The following ARHGAP6 variants were observed in gnomAD, a reference collection of about 807,000 sequenced individuals.
ARHGAP6 encodes rho GTPase-activating protein 6.
A neutral mutation model predicts 55.7 loss-of-function variants in ARHGAP6; 16 were observed. That is an observed-to-expected ratio of 0.29 (90% CI 0.19 to 0.44). The LOEUF (loss-of-function observed/expected upper bound fraction) is 0.44. ARHGAP6 is among the 20% of genes least tolerant of loss of function. The pLI is 1.00. For missense variants in ARHGAP6, 698 were observed against 808.9 expected (o/e 0.86, Z 1.66); for synonymous variants, 382 against 360.9 (o/e 1.06, Z -0.66).
intron 1 of ARHGAP6, among the ~76,000 whole-genome samples, chrX:11,267,096 C>T (rs993943868): frequency 8.9e-6 from 1 of 111,966 alleles, no homozygotes; most frequent in South Asian, 3.7e-4. Flanking sequence ...AGTAGACAGT[C>T]AACATGGCTC....
chrX:11,148,057 T>TG (rs1448624732), intron 10 of ARHGAP6, among the ~76,000 whole-genome samples: 1 of 111,296 alleles, frequency 9.0e-6, no homozygotes, highest in Non-Finnish European at 1.9e-5. Flanking sequence ...GGTGGAGAAA[T>TG]GGGCCCAGGA....
At chrX:11,300,551 T>C (rs1199766285) in intron 1 of ARHGAP6, 1 of 1,012,933 alleles carries the variant, frequency 9.9e-7, no homozygotes, top group African/African-American at 1.9e-5. Context: ...TTGTAAATGG[T>C]ACTCACTAGG....
intron 1 of ARHGAP6, among the ~76,000 whole-genome samples, chrX:11,519,501 G>C (rs1189025573): frequency 9.1e-6 from 1 of 109,960 alleles, no homozygotes; most frequent in Non-Finnish European, 1.9e-5. Flanking sequence ...TTGTAAATTT[G>C]ATTGAGTTCA....
chrX:11,548,170 C>T lies in ARHGAP6; in HGVS notation c.588+116071G>A, dbSNP rs181945411. Among the ~76,000 whole-genome samples, 24 of 112,240 alleles carry T rather than the reference C, an allele frequency of 2.1e-4. No individual in the cohort carries two copies. In the East Asian group the frequency reaches 4.7e-3, roughly 22 times the overall value. ...AACAATTCTACATATTTATGGGATA[C>T]AGAGTATTTTTATAATATATACAAT... On this transcript the variant is annotated intron_variant, in intron 1 of 12. Transcript: ENST00000337414.
intron 1 of ARHGAP6, among the ~76,000 whole-genome samples, chrX:11,416,622 G>A (rs1391654175): frequency 9.0e-6 from 1 of 110,866 alleles, no homozygotes; most frequent in Non-Finnish European, 1.9e-5. Flanking sequence ...CCCAAGAGAG[G>A]TCTACGAACG....
At chrX:11,637,371 C>T (rs1262624971) in intron 1 of ARHGAP6, among the ~76,000 whole-genome samples, 2 of 111,664 alleles carry the variant, frequency 1.8e-5, no homozygotes, top group African/African-American at 6.5e-5. Flanking sequence ...TAATATTTGG[C>T]ATAAAATCCT....
intron 1 of ARHGAP6, among the ~76,000 whole-genome samples, chrX:11,579,886 G>T (rs1476702180): frequency 8.9e-6 from 1 of 112,012 alleles, no homozygotes; most frequent in African/African-American, 3.2e-5. Flanking sequence ...TCTCCCCCAA[G>T]GAAGGGCAGA....
chrX:11,329,618 C>T (rs757841386), intron 1 of ARHGAP6, among the ~76,000 whole-genome samples: 1 of 112,290 alleles, frequency 8.9e-6, no homozygotes, highest in South Asian at 3.7e-4. Flanking sequence ...AGAAAACTGT[C>T]ATTGTGAACA....
chrX:11,500,612 G>T (rs1289458865), intron 1 of ARHGAP6, among the ~76,000 whole-genome samples: 1 of 99,181 alleles, frequency 1.0e-5, no homozygotes, highest in African/African-American at 3.9e-5. Context: ...AGTTAGCCGA[G>T]CCGAGATGGC....
Position 11,333,594 on chromosome X carries a change from T to C in ARHGAP6, c.589-78887A>G, listed in dbSNP as rs916137053. 7.1e-5 allele frequency among the ~76,000 whole-genome samples: 8 copies of C among 112,353 alleles called. No individual in the cohort carries two copies. The South Asian group carries it at 2.2e-3, about 31-fold the overall frequency. The stretch of plus-strand genomic sequence containing the variant: ...AGAATGGGATGAAAATCTAGGATAG[T>C]TAAAAATCTTTGTGCATAAGGAAAA... On this transcript the variant is annotated intron_variant, in intron 1 of 12. Transcript: ENST00000337414.
chrX:11,568,677 A>C (rs1375509664), intron 1 of ARHGAP6, among the ~76,000 whole-genome samples: 1 of 109,100 alleles, frequency 9.2e-6, no homozygotes, highest in East Asian at 2.9e-4. Context: ...GAATCTCTTG[A>C]ACGCTAAGGG....
intron 1 of ARHGAP6, among the ~76,000 whole-genome samples, chrX:11,317,039 G>A (rs2048367277): frequency 8.9e-6 from 1 of 112,517 alleles, no homozygotes. Flanking sequence ...GGCTCAGTGA[G>A]CTGATCTTGG....
At chrX:11,556,166 C>T (rs978357936) in intron 1 of ARHGAP6, among the ~76,000 whole-genome samples, 2 of 111,936 alleles carry the variant, frequency 1.8e-5, no homozygotes, top group Non-Finnish European at 3.8e-5. Flanking sequence ...ACACCAGCAA[C>T]AGCAGCACCA....
chrX:11,646,033 G>A (rs1176206910), intron 1 of ARHGAP6, among the ~76,000 whole-genome samples: 2 of 111,605 alleles, frequency 1.8e-5, no homozygotes, highest in East Asian at 5.7e-4. Flanking sequence ...AGTTCCACAT[G>A]GCTGGGAGGC....
At chrX:11,640,386 G>C (rs2052461550) in intron 1 of ARHGAP6, among the ~76,000 whole-genome samples, 1 of 111,801 alleles carries the variant, frequency 8.9e-6, no homozygotes, top group East Asian at 2.8e-4. Context: ...GTACACTGGA[G>C]TTGGGCGTTC....
chrX:11,290,511 T>C (rs1228339348), intron 1 of ARHGAP6: 2 of 315,178 alleles, frequency 6.3e-6, no homozygotes, highest in Non-Finnish European at 1.2e-5. Context: ...AAAAAAAAGC[T>C]ATCCTAGAGA....
Position 11,209,664 on chromosome X carries a change from C to T in ARHGAP6, c.749-12668G>A, listed in dbSNP as rs150762698. On this transcript the variant is annotated intron_variant, in intron 2 of 12. Transcript: ENST00000337414. ...TTATGTACAGAACTGTATTTTAAAA[C>T]AAGCAAGTACAAAAGAAAAATTAAG... 9.5e-3 allele frequency among the ~76,000 whole-genome samples: 1,070 copies of T among 112,066 alleles called. 23 individuals carry two copies. The highest frequency in any genetic ancestry group is 0.033 in the African/African-American group (1,011 of 30,828).
At chrX:11,423,339 T>A (rs2049845271) in intron 1 of ARHGAP6, among the ~76,000 whole-genome samples, 1 of 112,808 alleles carries the variant, frequency 8.9e-6, no homozygotes, top group Non-Finnish European at 1.9e-5. Context: ...TCTTTGAAAA[T>A]TGAATGTTCA....
chrX:11,347,199 GA>G (rs1319062599), intron 1 of ARHGAP6, among the ~76,000 whole-genome samples: 1 of 112,250 alleles, frequency 8.9e-6, no homozygotes, highest in Non-Finnish European at 1.9e-5. Context: ...GTACGCTAGA[GA>G]AAAATAGAAA....
Sources: gnomAD v4.1 joint callset for allele counts (sites outside exome capture counted in the v4.1 genomes callset) on GRCh38, gnomAD v4.1.1 for gene constraint, MANE v1.5 for transcripts, NCBI Gene and HGNC (gene_info 2026-07-23, HGNC 2026-07-21) for gene names.